Variants in STX7 observed in about 807,000 individuals in gnomAD.
STX7 encodes syntaxin 7, also known as syntaxin-7.
In STX7, 34 loss-of-function variants were observed where a neutral mutation model predicts 39.6. That is an observed-to-expected ratio of 0.86 (90% CI 0.65 to 1.14). The LOEUF (loss-of-function observed/expected upper bound fraction) is 1.14, where lower values mean the gene tolerates loss of function less well. STX7 is among the 50% of genes most tolerant of loss of function. STX7 has a pLI of 0.00. For missense variants in STX7, 284 were observed against 310.4 expected, an observed-to-expected ratio of 0.92 and a Z score of 0.64; for synonymous variants, 119 against 99.1, an observed-to-expected ratio of 1.20 and a Z score of -1.19.
rs1372443650 is a variant in STX7, at chr6:132,464,028, C to T, written c.658G>A (p.Ala220Thr). 2 of 1,613,976 alleles carry T rather than the reference C, an allele frequency of 1.2e-6. No homozygotes were observed. The highest frequency in any genetic ancestry group is 8.5e-7 in the Non-Finnish European group (1 of 1,180,006). Reference sequence around the variant, plus strand: ...GCTGCCCTTGACAGCTGCTGATTTGCTTGCTGAACGTGCACCTCTGCATTT... The same window carrying T: ...GCTGCCCTTGACAGCTGCTGATTTGTTTGCTGAACGTGCACCTCTGCATTT... ...VENAEVHVQQ[A>T]NQQLSRAADY... Residue 220 changes from alanine (A) to threonine (T), a missense_variant, in exon 9 of 10, where the codon GCA (alanine) becomes ACA (threonine). By Grantham distance (58) the Ala-to-Thr change is moderately conservative (BLOSUM62 0). Transcript: ENST00000367941.
chr6:132,487,332 A>T (rs1314306168), intron 2 of STX7, among the ~76,000 whole-genome samples: 1 of 152,218 alleles, frequency 6.6e-6, no homozygotes, highest in Admixed American at 6.5e-5. Context: ...TTGCAGGGAT[A>T]TGGATGAAGC....
At chr6:132,493,713 A>C (rs945917227) in intron 2 of STX7, among the ~76,000 whole-genome samples, 5 of 152,242 alleles carry the variant, frequency 3.3e-5, no homozygotes, top group Non-Finnish European at 7.3e-5. Context: ...TTTAATAAAA[A>C]CATTGTTCAG....
At position 132,446,990 on chromosome 6, in the gene STX7, C is replaced by T. The variant is rs1774026399; in HGVS notation, c.*13768G>A. 6.6e-6 allele frequency: 1 copy of T among 152,148 alleles called. No individual in the cohort carries two copies. The highest frequency in any genetic ancestry group is 2.1e-4 in the South Asian group (1 of 4,830). The allele number at this position is 152,148 out of a possible 1,614,324, so 9.4% of individuals were successfully genotyped here. A position where few individuals can be genotyped will look rare whatever the true frequency, so the allele number is the denominator to read the frequency against. ...ATAACTGCCGAGGGTACCATAGACACTGGGTTGGACAAGCAAGAAATAGTG... is the reference window on the plus strand; with the variant it reads ...ATAACTGCCGAGGGTACCATAGACATTGGGTTGGACAAGCAAGAAATAGTG... On this transcript the variant is annotated 3_prime_UTR_variant, in exon 10 of 10. Transcript: ENST00000367941.
intron 2 of STX7, among the ~76,000 whole-genome samples, chr6:132,498,661 A>C (rs1775477205): frequency 6.6e-6 from 1 of 152,208 alleles, no homozygotes; most frequent in South Asian, 2.1e-4. Flanking sequence ...TGTGAAGAGA[A>C]CCTAAATGTG....
chr6:132,464,584 A>G (rs2114357881), intron 8 of STX7, among the ~76,000 whole-genome samples: 1 of 152,288 alleles, frequency 6.6e-6, no homozygotes, highest in African/African-American at 2.4e-5. Flanking sequence ...CTAAAACTTG[A>G]TCCCTTAATC....
rs1774257580 is a variant in STX7, at chr6:132,456,982, A to G, written c.*3776T>C. The G allele has an allele frequency of 6.6e-6, 1 of 152,452 alleles. No homozygotes were observed. The highest frequency in any genetic ancestry group is 1.5e-5 in the Non-Finnish European group (1 of 68,120). 9.4% of individuals were successfully genotyped at this position (152,452 alleles called of 1,614,324 possible). A position where few individuals can be genotyped will look rare whatever the true frequency, so the allele number is the denominator to read the frequency against. Reference sequence around the variant, plus strand: ...CACAGCAGTTTCAAAATCTCTTGCAAGGCACTGGCTTTGGAGCTATTAACA... The same window carrying G: ...CACAGCAGTTTCAAAATCTCTTGCAGGGCACTGGCTTTGGAGCTATTAACA... On this transcript the variant is annotated 3_prime_UTR_variant, in exon 10 of 10. Transcript: ENST00000367941.
At chr6:132,485,330 C>T (rs191809515) in intron 2 of STX7, among the ~76,000 whole-genome samples, 113 of 152,210 alleles carry the variant, frequency 7.4e-4, no homozygotes, top group African/African-American at 2.6e-3. Flanking sequence ...TTAAGTTAGC[C>T]TAATTATTTT....
rs887638214 is a variant in STX7 at position 132,455,036 on chromosome 6, A to T, written c.*5722T>A. 8 of 152,180 alleles carry T rather than the reference A, an allele frequency of 5.3e-5. No homozygotes were observed. Among genetic ancestry groups the T allele is most frequent in the Non-Finnish European group, 1.0e-4 (7 of 68,008 alleles). 9.4% of individuals were successfully genotyped at this position (152,180 alleles called of 1,614,324 possible). On this transcript the variant is annotated 3_prime_UTR_variant, in exon 10 of 10. Coordinates refer to ENST00000367941, the MANE Select transcript of STX7 (RefSeq NM_003569.3). ...GACCACAGTACCTAGGTTTGAGATA[A>T]GAATGAAATAAAATATATTCCCCAT...
chr6:132,458,835 T>C lies in STX7; in HGVS notation c.*1923A>G, dbSNP rs1774315679. ...TTAAACCACTGATAACTGCCCCAGT[T>C]AAAATAATAATAATTTAAAATGATT... On this transcript the variant is annotated 3_prime_UTR_variant, in exon 10 of 10. Coordinates refer to ENST00000367941, the MANE Select transcript of STX7 (RefSeq NM_003569.3). 1 of 152,192 alleles carries C rather than the reference T, an allele frequency of 6.6e-6. No individual in the cohort carries two copies. Among genetic ancestry groups the C allele is most frequent in the South Asian group, 2.1e-4 (1 of 4,830 alleles). The allele number at this position is 152,192 out of a possible 1,614,324, so 9.4% of individuals were successfully genotyped here. A position where few individuals can be genotyped will look rare whatever the true frequency, so the allele number is the denominator to read the frequency against.
At chr6:132,470,518 A>G in intron 6 of STX7, 56 bp downstream of exon 6, 2 of 1,280,662 alleles carry the variant, frequency 1.6e-6, no homozygotes, top group Admixed American at 1.8e-5. Context: ...AGGGACCTTA[A>G]TGTATAAACT....
intron 1 of STX7, among the ~76,000 whole-genome samples, chr6:132,509,496 ACATAACATAACATAACAT>A (rs1775792661): frequency 8.1e-6 from 1 of 123,710 alleles, no homozygotes; most frequent in Admixed American, 7.9e-5. Context: ...ACATAACATA[ACATAACATAACATAACAT>A]AAAATAAAAA....
Position 132,445,937 on chromosome 6 carries a change from T to C in STX7, c.*14821A>G, listed in dbSNP as rs1582634301. 4.6e-5 allele frequency: 7 copies of C among 152,342 alleles called. No homozygotes were observed. In the South Asian group the frequency reaches 1.4e-3, roughly 32 times the overall value. 9.4% of individuals were successfully genotyped at this position (152,342 alleles called of 1,614,324 possible). A position where few individuals can be genotyped will look rare whatever the true frequency, so the allele number is the denominator to read the frequency against. On this transcript the variant is annotated 3_prime_UTR_variant, in exon 10 of 10. Coordinates refer to ENST00000367941, the MANE Select transcript of STX7 (RefSeq NM_003569.3). ...ATTTTCTTTTGAAGATTTTATAAATTACACATGGGGTTGTTATTACAATCT... is the reference window on the plus strand; with the variant it reads ...ATTTTCTTTTGAAGATTTTATAAATCACACATGGGGTTGTTATTACAATCT...
intron 1 of STX7, among the ~76,000 whole-genome samples, chr6:132,510,456 C>T (rs1222971317): frequency 6.6e-6 from 1 of 152,140 alleles, no homozygotes. Context: ...AGAAACTACA[C>T]TTTTACTCTA....
chr6:132,467,897 C>G (rs1774601217), intron 8 of STX7, among the ~76,000 whole-genome samples: 3 of 152,170 alleles, frequency 2.0e-5, no homozygotes. Context: ...AAGAAAATCA[C>G]TTCTAAAAAG....
rs1490253124 is a variant in STX7 at position 132,458,344 on chromosome 6, C to A, written c.*2414G>T. The A allele has an allele frequency of 6.6e-6, 1 of 152,204 alleles. No individual in the cohort carries two copies. Among genetic ancestry groups the A allele is most frequent in the African/African-American group, 2.4e-5 (1 of 41,452 alleles). The allele number at this position is 152,204 out of a possible 1,614,324, so 9.4% of individuals were successfully genotyped here. A position where few individuals can be genotyped will look rare whatever the true frequency, so the allele number is the denominator to read the frequency against. On this transcript the variant is annotated 3_prime_UTR_variant, in exon 10 of 10. Transcript: ENST00000367941. ...CCACACCTACTAAAAAAACAAGCTACTCTAGTATCAATATGACATCACTCT... is the reference window on the plus strand; with the variant it reads ...CCACACCTACTAAAAAAACAAGCTAATCTAGTATCAATATGACATCACTCT...
In STX7 at chr6:132,451,297, T is replaced by C. The variant is rs1043978612; in HGVS notation, c.*9461A>G. ...TTTTAGTAGAGGCGGGGTTTCGCCA[T>C]GTTAGCCAGGCTGGTCTCAAACTCC... On this transcript the variant is annotated 3_prime_UTR_variant, in exon 10 of 10. Transcript: ENST00000367941. 8 of 152,174 alleles carry C rather than the reference T, an allele frequency of 5.3e-5. No homozygotes were observed. Among genetic ancestry groups the C allele is most frequent in the Non-Finnish European group, 1.0e-4 (7 of 68,048 alleles). 9.4% of individuals were successfully genotyped at this position (152,174 alleles called of 1,614,324 possible).
chr6:132,458,294 AG>A lies in STX7; in HGVS notation c.*2463del, dbSNP rs1774299129. 3 of 151,494 alleles carry A rather than the reference AG, an allele frequency of 2.0e-5. No individual in the cohort carries two copies. In the South Asian group the frequency reaches 6.4e-4, roughly 33 times the overall value. The allele number at this position is 151,494 out of a possible 1,614,324, so 9.4% of individuals were successfully genotyped here. A position where few individuals can be genotyped will look rare whatever the true frequency, so the allele number is the denominator to read the frequency against. On this transcript the variant is annotated 3_prime_UTR_variant, in exon 10 of 10. Transcript: ENST00000367941. Reference sequence around the variant, plus strand: ...CTGCATCCATGGCTGTCCTAGACTGAGTTGCACTTGTAAAAGAGATGGTCCC... The same window carrying A: ...CTGCATCCATGGCTGTCCTAGACTGATTGCACTTGTAAAAGAGATGGTCCC...
intron 9 of STX7, 143 bp from the exon 10 acceptor site, chr6:132,460,993 T>A: frequency 1.6e-6 from 1 of 631,052 alleles, no homozygotes; most frequent in Non-Finnish European, 2.6e-6. Context: ...TGACTGTGTT[T>A]TTTTGTTCCT....
chr6:132,464,207 G>A (rs1452747372), intron 8 of STX7, 132 bp from the exon 9 acceptor site: 1 of 884,370 alleles, frequency 1.1e-6, no homozygotes, highest in Non-Finnish European at 1.8e-6. Context: ...ATATCATAAA[G>A]TTGAATTTTT....
Sources: gnomAD v4.1 joint callset for allele counts (sites outside exome capture counted in the v4.1 genomes callset) on GRCh38, gnomAD v4.1.1 for gene constraint, MANE v1.5 for transcripts, NCBI Gene and HGNC (gene_info 2026-07-23, HGNC 2026-07-21) for gene names.